CALD1: variants seen among roughly 807,000 people sequenced by gnomAD.
CALD1 encodes caldesmon 1, also known as caldesmon.
In CALD1, 33 loss-of-function variants were observed where a neutral mutation model predicts 99.9. That is an observed-to-expected ratio of 0.33 (90% CI 0.25 to 0.44). The LOEUF is 0.44. Among genes scored for constraint, CALD1 ranks in the 20% least tolerant of loss-of-function variants. The pLI is 1.00. For synonymous variants in CALD1, 310 were observed against 325.0 expected, an observed-to-expected ratio of 0.95 and a Z score of 0.50; for missense variants, 861 against 962.1, an observed-to-expected ratio of 0.89 and a Z score of 1.39.
chr7:134,902,483 T>A (rs904833811), intron 3 of CALD1, among the ~76,000 whole-genome samples: 6 of 151,842 alleles, frequency 4.0e-5, no homozygotes, highest in African/African-American at 1.5e-4. Context: ...GGGAGGGAGA[T>A]CATGTAAACC....
chr7:134,945,059 C>G (rs1806751413), intron 7 of CALD1, among the ~76,000 whole-genome samples: 1 of 152,232 alleles, frequency 6.6e-6, no homozygotes, highest in East Asian at 1.9e-4. Flanking sequence ...AATACCAGTT[C>G]CAAAATAAAA....
At chr7:134,965,444 T>C in intron 14 of CALD1, 58 bp downstream of exon 14, 2 of 846,120 alleles carry the variant, frequency 2.4e-6, no homozygotes, top group South Asian at 1.3e-5. Flanking sequence ...TATGGTGTAG[T>C]ATAATGTCCT....
chr7:134,829,720 A>G (rs563435009), intron 1 of CALD1, among the ~76,000 whole-genome samples: 1 of 152,316 alleles, frequency 6.6e-6, no homozygotes, highest in East Asian at 1.9e-4. Context: ...TAAGCATGGG[A>G]GTGACATGAT....
intron 1 of CALD1, among the ~76,000 whole-genome samples, chr7:134,825,855 G>A (rs1798968014): frequency 6.6e-6 from 1 of 152,012 alleles, no homozygotes; most frequent in African/African-American, 2.4e-5. Flanking sequence ...ACTGACCAGA[G>A]GAGCCCTGGG....
chr7:134,869,548 A>G (rs1800966188), intron 3 of CALD1, among the ~76,000 whole-genome samples: 1 of 152,174 alleles, frequency 6.6e-6, no homozygotes, highest in Non-Finnish European at 1.5e-5. Context: ...CTTTTAGGAG[A>G]GCAAAGAACT....
intron 1 of CALD1, among the ~76,000 whole-genome samples, chr7:134,753,010 GA>G (rs11312378): frequency 0.65 from 64,282 of 98,490 alleles, 18,431 homozygotes; most frequent in East Asian, 0.85. Context: ...ACTCTGTATC[GA>G]AAAAAAAAAA....
At chr7:134,913,860 CAT>C (rs1302700973) in intron 3 of CALD1, among the ~76,000 whole-genome samples, 4 of 152,286 alleles carry the variant, frequency 2.6e-5, no homozygotes, top group Non-Finnish European at 4.4e-5. Flanking sequence ...GCCTGCAGGT[CAT>C]AGTTTGCCAA....
chr7:134,916,887 TA>T (rs1180005137), intron 3 of CALD1, among the ~76,000 whole-genome samples: 5 of 152,222 alleles, frequency 3.3e-5, no homozygotes, highest in Non-Finnish European at 5.9e-5. Flanking sequence ...AAGACTTATC[TA>T]AAAGGAGTTC....
the CALD1 span, among the ~76,000 whole-genome samples, chr7:134,726,205 A>G: frequency 2.6e-5 from 4 of 151,518 alleles, no homozygotes; most frequent in Non-Finnish European, 5.9e-5. Context: ...AAGCTGAGAA[A>G]TACAACACAT....
intron 3 of CALD1, among the ~76,000 whole-genome samples, chr7:134,871,478 A>G (rs1156248789): frequency 6.6e-6 from 1 of 152,258 alleles, no homozygotes; most frequent in Non-Finnish European, 1.5e-5. Flanking sequence ...TACTGAGAAT[A>G]GACCCACAGA....
the CALD1 span, among the ~76,000 whole-genome samples, chr7:134,718,096 G>A: frequency 6.6e-6 from 1 of 152,128 alleles, no homozygotes; most frequent in South Asian, 2.1e-4. Context: ...GTTGGTTCAT[G>A]GTAAGAGAAG....
chr7:134,922,350 C>T (rs572190693), intron 3 of CALD1, among the ~76,000 whole-genome samples: 5 of 152,208 alleles, frequency 3.3e-5, no homozygotes, highest in Admixed American at 1.3e-4. Context: ...CATAAGAGAT[C>T]TTGTCTTGTT....
chr7:134,730,807 A>G, the CALD1 span, among the ~76,000 whole-genome samples: 1 of 152,120 alleles, frequency 6.6e-6, no homozygotes, highest in African/African-American at 2.4e-5. Context: ...TATATGTCAG[A>G]CAGGCTGGAA....
At chr7:134,852,229 G>A (rs1484552850) in intron 2 of CALD1, among the ~76,000 whole-genome samples, 1 of 152,102 alleles carries the variant, frequency 6.6e-6, no homozygotes, top group Non-Finnish European at 1.5e-5. Context: ...GAAAAATATA[G>A]GGGATTTGCA....
At chr7:134,871,922 G>C (rs1032685298) in intron 3 of CALD1, among the ~76,000 whole-genome samples, 2 of 152,204 alleles carry the variant, frequency 1.3e-5, no homozygotes, top group Non-Finnish European at 2.9e-5. Context: ...GCTAATTGAA[G>C]GCTTTGTGCC....
At chr7:134,944,041 G>A (rs1313695725) in intron 7 of CALD1, among the ~76,000 whole-genome samples, 1 of 152,160 alleles carries the variant, frequency 6.6e-6, no homozygotes, top group African/African-American at 2.4e-5. Context: ...TGCCGGTCCA[G>A]TTCCTGTACA....
At chr7:134,898,570 TA>T (rs761149043) in intron 3 of CALD1, among the ~76,000 whole-genome samples, 32 of 152,254 alleles carry the variant, frequency 2.1e-4, no homozygotes, top group East Asian at 1.5e-3. Context: ...TTTTTGGTTT[TA>T]TTTTTTATTT....
At chr7:134,826,355 T>G (rs934568780) in intron 1 of CALD1, among the ~76,000 whole-genome samples, 3 of 152,124 alleles carry the variant, frequency 2.0e-5, no homozygotes, top group African/African-American at 7.2e-5. Flanking sequence ...TTTGAAATAT[T>G]CTCACACCTC....
At chr7:134,767,012 C>T (rs1585903767) in intron 1 of CALD1, among the ~76,000 whole-genome samples, 1 of 152,232 alleles carries the variant, frequency 6.6e-6, no homozygotes, top group South Asian at 2.1e-4. Context: ...TATTTTCACC[C>T]CAACCCTTGG....
Sources: allele counts gnomAD v4.1 joint callset (sites outside exome capture counted in the v4.1 genomes callset), GRCh38; gene constraint gnomAD v4.1.1; transcripts MANE v1.5; gene names NCBI Gene and HGNC (gene_info 2026-07-23, HGNC 2026-07-21).